The following TNKS variants were observed in gnomAD, a reference collection of about 807,000 sequenced individuals.
TNKS encodes poly [ADP-ribose] polymerase tankyrase-1.
Under a neutral mutation model 135.8 loss-of-function variants are expected in TNKS, and 72 were observed. The ratio of observed to expected loss-of-function variants is 0.53; its 90% CI spans 0.44 to 0.64. The LOEUF is 0.64. Ranked by LOEUF, TNKS falls within the 30% of genes least tolerant of loss-of-function variation. The pLI is 0.00. For missense variants in TNKS, 1,769 were observed against 1,674.0 expected (o/e 1.06, Z -0.99); for synonymous variants, 849 against 649.3 (o/e 1.31, Z -4.68).
chr8:9,603,840 C>T (rs908949825), intron 2 of TNKS, among the ~76,000 whole-genome samples: 3 of 151,892 alleles, frequency 2.0e-5, no homozygotes, highest in South Asian at 4.1e-4. Flanking sequence ...GAACAGAACT[C>T]ATCACTCTTT....
intron 25 of TNKS, among the ~76,000 whole-genome samples, chr8:9,768,571 C>T (rs373448594): frequency 3.3e-5 from 5 of 152,252 alleles, no homozygotes; most frequent in East Asian, 3.8e-4. Flanking sequence ...CTCTACTTGC[C>T]CATCTGCAGC....
chr8:9,754,129 A>G (rs1383049312), intron 20 of TNKS, among the ~76,000 whole-genome samples: 1 of 152,154 alleles, frequency 6.6e-6, no homozygotes, highest in African/African-American at 2.4e-5. Flanking sequence ...GACCCTTAAC[A>G]TAATTTCGTC....
intron 2 of TNKS, among the ~76,000 whole-genome samples, chr8:9,597,400 C>G (rs528703326): frequency 1.3e-5 from 2 of 152,340 alleles, no homozygotes; most frequent in Admixed American, 6.5e-5. Flanking sequence ...GAAGGGCTGA[C>G]ATTCCCATAA....
intron 3 of TNKS, among the ~76,000 whole-genome samples, chr8:9,653,705 T>A (rs1057011924): frequency 2.0e-5 from 3 of 152,190 alleles, no homozygotes; most frequent in Admixed American, 6.5e-5. Context: ...AGCATCATTA[T>A]ATTGCCAACT....
intron 18 of TNKS, among the ~76,000 whole-genome samples, chr8:9,750,811 A>G (rs560520305): frequency 2.6e-5 from 4 of 152,308 alleles, no homozygotes; most frequent in Non-Finnish European, 5.9e-5. Flanking sequence ...CTGGTTTTGC[A>G]GTTACCTGCA....
rs112547145 is a variant in TNKS, at chr8:9,555,984, A to G, written c.45A>G (p.Gln15=). ...RRSQHHHHHH[Q]QQLQPAPGAS... ...CTCAGCATCATCACCACCATCATCA[A>G]CAACAGCTCCAGCCCGCCCCAGGGG... The change falls in exon 1 of 27, where the codon CAA becomes CAG. Residue 15 remains glutamine (Q), a synonymous_variant. Transcript: ENST00000310430. 50 of 1,613,444 alleles carry G rather than the reference A, an allele frequency of 3.1e-5. 2 individuals carry two copies. The African/African-American group carries it at 4.5e-4, about 15-fold the overall frequency.
intron 25 of TNKS, among the ~76,000 whole-genome samples, chr8:9,767,908 G>A (rs1382206043): frequency 4.1e-5 from 6 of 147,648 alleles, no homozygotes; most frequent in Middle Eastern, 3.6e-3. Context: ...GCAGTGAGCC[G>A]AGATCGCGCC....
intron 17 of TNKS, among the ~76,000 whole-genome samples, chr8:9,746,951 C>G (rs944157885): frequency 2.1e-5 from 3 of 139,716 alleles, no homozygotes; most frequent in Non-Finnish European, 4.5e-5. Context: ...GGTGCAATCT[C>G]AGCTGACTGC....
At chr8:9,605,298 G>A (rs1799172052) in intron 2 of TNKS, among the ~76,000 whole-genome samples, 1 of 151,956 alleles carries the variant, frequency 6.6e-6, no homozygotes, top group Non-Finnish European at 1.5e-5. Flanking sequence ...ATGTTTTGAA[G>A]TTTTGGAGAT....
At position 9,766,258 on chromosome 8, in the gene TNKS, C is replaced by A. The variant is rs769485345; in HGVS notation, c.3573C>A (p.Ala1191=). ...TTCTAGGTTCTCCTTTCATTAATGCCATTATTCATAAAGGGTTTGATGAGC... is the reference window on the plus strand; with the variant it reads ...TTCTAGGTTCTCCTTTCATTAATGCAATTATTCATAAAGGGTTTGATGAGC... ...MLFHGSPFIN[A]IIHKGFDERH... is the part of the protein sequence containing the mutation. The change falls in exon 25 of 27, where the codon GCC becomes GCA. Residue 1191 remains alanine, a synonymous_variant. Coordinates refer to ENST00000310430, the MANE Select transcript of TNKS (RefSeq NM_003747.3). 6.2e-7 allele frequency: 1 copy of A among 1,606,788 alleles called. No homozygotes were observed.
intron 1 of TNKS, 30 bp downstream of exon 1, chr8:9,556,642 G>T (rs1261138871): frequency 1.2e-6 from 2 of 1,611,386 alleles, no homozygotes; most frequent in African/African-American, 2.7e-5. Context: ...TTTATTAAGG[G>T]TTATGGGTTT....
At position 9,706,181 on chromosome 8, in the gene TNKS, A is replaced by G; in HGVS notation, c.1203-6A>G. 6 of 1,561,710 alleles carry G rather than the reference A, an allele frequency of 3.8e-6. No individual in the cohort carries two copies. Among genetic ancestry groups the G allele is most frequent in the Non-Finnish European group, 5.2e-6 (6 of 1,160,098 alleles). ...TAAGTATTTTAATTTGCCTCTTTTC[A>G]TTTAGTGGACTTGTGCCTCTTCATA... On this transcript the variant is annotated splice_polypyrimidine_tract_variant and splice_region_variant and intron_variant, in intron 6 of 26. Coordinates refer to ENST00000310430, the MANE Select transcript of TNKS (RefSeq NM_003747.3).
chr8:9,727,077 A>G (rs564620047), intron 13 of TNKS, among the ~76,000 whole-genome samples: 19 of 152,332 alleles, frequency 1.2e-4, no homozygotes, highest in East Asian at 5.8e-4. Context: ...CACAAAATGT[A>G]TAAACTAGAT....
At chr8:9,695,720 T>G (rs1327935651) in intron 5 of TNKS, among the ~76,000 whole-genome samples, 1 of 152,192 alleles carries the variant, frequency 6.6e-6, no homozygotes, top group Admixed American at 6.5e-5. Context: ...GGATACTGTC[T>G]TCAAGTAGGT....
At chr8:9,662,760 T>TAA (rs991745110) in intron 3 of TNKS, among the ~76,000 whole-genome samples, 3 of 152,032 alleles carry the variant, frequency 2.0e-5, no homozygotes, top group Admixed American at 2.0e-4. Context: ...ATAAAATTTT[T>TAA]AAAAAAAGTA....
intron 3 of TNKS, among the ~76,000 whole-genome samples, chr8:9,630,343 C>T (rs1800240680): frequency 6.6e-6 from 1 of 152,064 alleles, no homozygotes. Flanking sequence ...AACAGCATAC[C>T]AGCAGTATAA....
At chr8:9,588,973 C>A (rs1262701066) in intron 2 of TNKS, among the ~76,000 whole-genome samples, 1 of 152,172 alleles carries the variant, frequency 6.6e-6, no homozygotes, top group African/African-American at 2.4e-5. Context: ...AAGATGACAG[C>A]ATTCAGCACA....
In TNKS at chr8:9,694,364, G is replaced by A. The variant is rs1803416491; in HGVS notation, c.1108-10299G>A. Among the ~76,000 whole-genome samples, 3 of 152,222 alleles carry A rather than the reference G, an allele frequency of 2.0e-5. No homozygotes were observed. The South Asian group carries it at 6.2e-4, about 32-fold the overall frequency. On this transcript the variant is annotated intron_variant, in intron 5 of 26. Transcript: ENST00000310430. ...TCTCTTTTCTCAGTGAACTCACAGT[G>A]AGTTAGGAGACAGATACACAAGTAA...
At chr8:9,621,883 TATA>T (rs1309490566) in intron 3 of TNKS, among the ~76,000 whole-genome samples, 1 of 152,198 alleles carries the variant, frequency 6.6e-6, no homozygotes, top group Non-Finnish European at 1.5e-5. Flanking sequence ...AAGTTATTTT[TATA>T]ATAAGATGAA....
Sources: allele counts gnomAD v4.1 joint callset (sites outside exome capture counted in the v4.1 genomes callset), GRCh38; gene constraint gnomAD v4.1.1; transcripts MANE v1.5; gene names NCBI Gene and HGNC (gene_info 2026-07-23, HGNC 2026-07-21).